FAM20A: variants seen among roughly 807,000 people sequenced by gnomAD.
FAM20A encodes FAM20A golgi associated secretory pathway pseudokinase.
In FAM20A, 42 loss-of-function variants were observed where a neutral mutation model predicts 52.0. The observed-to-expected ratio is 0.81, with a 90% CI of 0.63 to 1.04. FAM20A has a LOEUF of 1.04. Ranked by LOEUF, FAM20A falls within the 50% of genes least tolerant of loss-of-function variation. The pLI is 0.00. For synonymous variants in FAM20A, 304 were observed against 298.9 expected (o/e 1.02, Z -0.18); for missense variants, 742 against 712.7 (o/e 1.04, Z -0.47).
intron 2 of FAM20A, among the ~76,000 whole-genome samples, chr17:68,555,070 A>T (rs2087015501): frequency 6.6e-6 from 1 of 152,096 alleles, no homozygotes; most frequent in Non-Finnish European, 1.5e-5. Context: ...TGGCTGGGAG[A>T]CTGAGTCTGC....
intron 5 of FAM20A, 124 bp from the exon 6 acceptor site, chr17:68,542,933 G>A (rs530634301): frequency 4.4e-5 from 33 of 746,856 alleles, no homozygotes; most frequent in South Asian, 3.4e-4. Flanking sequence ...CCGGTGAGGC[G>A]TGACTCTGCA....
chr17:68,595,653 C>T lies in FAM20A; in HGVS notation c.404+4610G>A, dbSNP rs75472226. On this transcript the variant is annotated intron_variant, in intron 1 of 10. Coordinates refer to ENST00000592554, the MANE Select transcript of FAM20A (RefSeq NM_017565.4). ...TCCTGTCTTAGCTTAGCATTGTTGG[C>T]GGGAGAATCTAACAAGGGGCCAAGG... 8.0e-3 allele frequency among the ~76,000 whole-genome samples: 1,223 copies of T among 152,204 alleles called. 17 individuals carry two copies. Among genetic ancestry groups the T allele is most frequent in the African/African-American group, 0.028 (1,169 of 41,506 alleles).
At chr17:68,554,426 G>T (rs2086995839) in intron 3 of FAM20A, among the ~76,000 whole-genome samples, 1 of 152,094 alleles carries the variant, frequency 6.6e-6, no homozygotes, top group African/African-American at 2.4e-5. Context: ...TCAATAGTGG[G>T]CACCATTTGC....
chr17:68,564,877 C>T (rs565333873), intron 1 of FAM20A, among the ~76,000 whole-genome samples: 11 of 152,132 alleles, frequency 7.2e-5, no homozygotes, highest in Non-Finnish European at 1.2e-4. Flanking sequence ...TGGGGTGCTG[C>T]GAGTGCTCCA....
rs545396748 is a variant in FAM20A at position 68,539,917 on chromosome 17, A to G, written c.1269T>C (p.Asp423=). 3 of 1,614,204 alleles carry G rather than the reference A, an allele frequency of 1.9e-6. No homozygotes were observed. In the Admixed American group the frequency reaches 5.0e-5, roughly 27 times the overall value. ...CGTTGTCAAGGTGAATAAGGAACCC[A>G]TCATCCCCGAACTTGGTGAACATCT... ...HYEMFTKFGD[D]GFLIHLDNAR... is the part of the protein sequence containing the mutation. Residue 423 remains aspartate, a synonymous_variant, in exon 9 of 11, where the codon GAT becomes GAC. Coordinates refer to ENST00000592554, the MANE Select transcript of FAM20A (RefSeq NM_017565.4).
At position 68,600,441 on chromosome 17, in the gene FAM20A, G is replaced by A. The variant is rs1400796150; in HGVS notation, c.226C>T (p.Pro76Ser). 2 of 1,611,256 alleles carry A rather than the reference G, an allele frequency of 1.2e-6. No individual in the cohort carries two copies. The highest frequency in any genetic ancestry group is 1.7e-6 in the Non-Finnish European group (2 of 1,178,980). Residue 76 changes from proline to serine, a missense_variant, in exon 1 of 11, where the codon CCC (proline) becomes TCC (serine). By Grantham distance (74) the Pro-to-Ser change is moderately conservative. Transcript: ENST00000592554. The surrounding 1 kb of genome is among the most constrained non-coding windows in gnomAD (Gnocchi z 6.2). Reference protein sequence around the residue: ...TIVHNFSRTEPRTEPAGGSHS... With the variant: ...TIVHNFSRTESRTEPAGGSHS... ...CTGCCGCCAGCCGGTTCAGTCCGGG[G>A]CTCGGTTCGGGAAAAGTTGTGCACG...
intron 1 of FAM20A, among the ~76,000 whole-genome samples, chr17:68,592,134 T>C (rs925248188): frequency 2.1e-5 from 3 of 140,486 alleles, no homozygotes; most frequent in Middle Eastern, 7.6e-3. Context: ...GCAATGAAAC[T>C]CTGGTTAACA....
intron 3 of FAM20A, among the ~76,000 whole-genome samples, chr17:68,552,270 T>C (rs2086871861): frequency 6.6e-6 from 1 of 151,808 alleles, no homozygotes; most frequent in South Asian, 2.1e-4. Flanking sequence ...TTTCTGCTGG[T>C]ATGGGAAAAG....
intron 1 of FAM20A, chr17:68,558,375 A>C: frequency 2.3e-6 from 1 of 442,734 alleles, no homozygotes; most frequent in Non-Finnish European, 4.5e-6. Flanking sequence ...TCTCATGTTG[A>C]AATGTAGTCC....
chr17:68,562,977 T>C (rs1190062597), intron 1 of FAM20A, among the ~76,000 whole-genome samples: 2 of 152,200 alleles, frequency 1.3e-5, no homozygotes, highest in Non-Finnish European at 2.9e-5. Flanking sequence ...AAGAGGTTGC[T>C]CAAAGGCATC....
At chr17:68,592,315 G>A (rs1250624233) in intron 1 of FAM20A, among the ~76,000 whole-genome samples, 2 of 152,174 alleles carry the variant, frequency 1.3e-5, no homozygotes, top group African/African-American at 4.8e-5. Context: ...CAGCTGTGGA[G>A]GCAGATAGAC....
rs757249334 is a variant in FAM20A at position 68,600,642 on chromosome 17, G to GGCGGTCCCGGC, written c.14_24dup (p.Leu9AlafsTer6). The GGCGGTCCCGGC allele has an allele frequency of 7.1e-6, 11 of 1,553,542 alleles. No individual in the cohort carries two copies. Among genetic ancestry groups the GGCGGTCCCGGC allele is most frequent in the Non-Finnish European group, 9.5e-6 (11 of 1,155,804 alleles). On this transcript the variant is annotated frameshift_variant, in exon 1 of 11. Coordinates refer to ENST00000592554, the MANE Select transcript of FAM20A (RefSeq NM_017565.4). LOFTEE classifies it high-confidence loss of function. The surrounding 1 kb of genome is among the most constrained non-coding windows in gnomAD (Gnocchi z 6.2). ...GCGCCCAGCAGCAGCAGAGTCAGTAGGCGGTCCCGGCGCAGCCCCGGCATG... is the reference window on the plus strand; with the variant it reads ...GCGCCCAGCAGCAGCAGAGTCAGTAGGCGGTCCCGGCGCGGTCCCGGCGCAGCCCCGGCATG...
Position 68,600,368 on chromosome 17 carries a change from A to G in FAM20A, c.299T>C (p.Leu100Pro). The change falls in exon 1 of 11, where the codon CTG becomes CCG. Residue 100 changes from leucine to proline, a missense_variant. Coordinates refer to ENST00000592554, the MANE Select transcript of FAM20A (RefSeq NM_017565.4). This position sits in a 1 kb window ranked among gnomAD's most constrained non-coding sequence, Gnocchi z 6.2. ...AGGCGGCTCCTCCGGGACGTTGTAC[A>G]GCGGGTGGGCGAAGAGGGCCTGCAA... ...SKLQALFAHP[L>P]YNVPEEPPLL... 1.2e-6 allele frequency: 2 copies of G among 1,604,772 alleles called. No homozygotes were observed. Among genetic ancestry groups the G allele is most frequent in the Non-Finnish European group, 1.7e-6 (2 of 1,176,624 alleles).
At chr17:68,559,797 G>A (rs1333947513) in intron 1 of FAM20A, among the ~76,000 whole-genome samples, 1 of 152,048 alleles carries the variant, frequency 6.6e-6, no homozygotes, top group Non-Finnish European at 1.5e-5. Context: ...TATTTTTATA[G>A]GTATGATAAT....
Position 68,563,966 on chromosome 17 carries a change from G to A in FAM20A, c.405-8223C>T, listed in dbSNP as rs530416802. On this transcript the variant is annotated intron_variant, in intron 1 of 10. Coordinates refer to ENST00000592554, the MANE Select transcript of FAM20A (RefSeq NM_017565.4). ...ACAATGCCATAGTTCGACCCCTGCT[G>A]TAATGAAGTGAGAGGGTCACAGAAT... 4.6e-5 allele frequency among the ~76,000 whole-genome samples: 7 copies of A among 152,328 alleles called. No homozygotes were observed. The South Asian group carries it at 6.2e-4, about 14-fold the overall frequency.
chr17:68,581,581 CT>C (rs11330363), intron 1 of FAM20A, among the ~76,000 whole-genome samples: 61,006 of 95,916 alleles, frequency 0.64, 17,151 homozygotes, highest in East Asian at 0.73. Flanking sequence ...TTCTTTTTTC[CT>C]TTTTTTTTTT....
At chr17:68,569,420 T>C (rs150492633) in intron 1 of FAM20A, among the ~76,000 whole-genome samples, 1 of 152,356 alleles carries the variant, frequency 6.6e-6, no homozygotes, top group African/African-American at 2.4e-5. Context: ...GTAACCAGAA[T>C]GATTGCTTTT....
chr17:68,541,042 C>A, intron 7 of FAM20A, 84 bp from the exon 8 acceptor site: 1 of 1,542,042 alleles, frequency 6.5e-7, no homozygotes, highest in South Asian at 1.2e-5. Flanking sequence ...CCTGCCCCCC[C>A]AATCCCTGCC....
Position 68,600,894 on chromosome 17 carries a change from T to C in FAM20A, c.-228A>G. 2.0e-6 allele frequency: 1 copy of C among 496,816 alleles called. No individual in the cohort carries two copies. The highest frequency in any genetic ancestry group is 2.0e-5 in the African/African-American group (1 of 48,934). The allele number at this position is 496,816 out of a possible 1,614,324, so 30.8% of individuals were successfully genotyped here. A position where few individuals can be genotyped will look rare whatever the true frequency, so the allele number is the denominator to read the frequency against. ...GGCTCTCGGAGTCAGCGGGCGTCGC[T>C]TCTCCGCGCCGAGTGAGCCGAGGGA... is the stretch of plus-strand genomic sequence containing the variant. On this transcript the variant is annotated 5_prime_UTR_variant, in exon 1 of 11. Coordinates refer to ENST00000592554, the MANE Select transcript of FAM20A (RefSeq NM_017565.4). This position sits in a 1 kb window ranked among gnomAD's most constrained non-coding sequence, Gnocchi z 6.2.
Sources: allele counts gnomAD v4.1 joint callset (sites outside exome capture counted in the v4.1 genomes callset), GRCh38; gene constraint gnomAD v4.1.1; non-coding constraint Gnocchi (gnomAD v3.1); transcripts MANE v1.5; gene names NCBI Gene and HGNC (gene_info 2026-07-23, HGNC 2026-07-21).